The following USH2A variants were observed in gnomAD, a reference collection of about 807,000 sequenced individuals.
USH2A encodes usherin, also known as Usher syndrome 2A (autosomal recessive, mild).
USH2A carries 443 observed loss-of-function variants against 538.9 expected under a neutral mutation model. The ratio of observed to expected loss-of-function variants is 0.82; its 90% CI spans 0.76 to 0.89. The LOEUF (loss-of-function observed/expected upper bound fraction) is 0.89. Ranked by LOEUF, USH2A falls within the 40% of genes least tolerant of loss-of-function variation. USH2A has a pLI of 0.00. For missense variants in USH2A, 6,633 were observed against 6,324.8 expected (o/e 1.05, Z -1.65); for synonymous variants, 2,413 against 2,273.5 (o/e 1.06, Z -1.75).
chr1:216,383,943 C>A (rs1009446160), intron 3 of USH2A, among the ~76,000 whole-genome samples: 3 of 150,596 alleles, frequency 2.0e-5, no homozygotes, highest in Non-Finnish European at 4.4e-5. Context: ...TCAAGTGATC[C>A]TCCTGCGTAG....
chr1:216,127,887 A>G (rs1190014585), intron 21 of USH2A, among the ~76,000 whole-genome samples: 1 of 152,172 alleles, frequency 6.6e-6, no homozygotes, highest in Non-Finnish European at 1.5e-5. Context: ...ATAACTGCCA[A>G]CCAGATTTGC....
chr1:216,364,967 C>A lies in USH2A; in HGVS notation c.770G>T (p.Gly257Val). Residue 257 changes from glycine to valine, a missense_variant, in exon 4 of 72, where the codon GGA (glycine) becomes GTA (valine). Coordinates refer to ENST00000307340, the MANE Select transcript of USH2A (RefSeq NM_206933.4). Reference protein sequence around the residue: ...TDFASGTVQIGQSLNGLEQFV... With the variant: ...TDFASGTVQIVQSLNGLEQFV... ...CAGAAACTTACCATTTAAACTCTGT[C>A]CTATTTGCACAGTACCAGATGCAAA... 6.2e-7 allele frequency: 1 copy of A among 1,613,446 alleles called. No individual in the cohort carries two copies. The highest frequency in any genetic ancestry group is 1.3e-5 in the African/African-American group (1 of 74,992).
chr1:216,420,812 T>G (rs1223033851), intron 2 of USH2A, among the ~76,000 whole-genome samples: 1 of 152,170 alleles, frequency 6.6e-6, no homozygotes, highest in Non-Finnish European at 1.5e-5. Flanking sequence ...GTGATTAATT[T>G]TGTGATTAAT....
chr1:215,853,006 C>T (rs908037463), intron 44 of USH2A, among the ~76,000 whole-genome samples: 2 of 152,218 alleles, frequency 1.3e-5, no homozygotes, highest in Admixed American at 6.5e-5. Context: ...CCTCTTCTTA[C>T]AGTAGCACTA....
rs746196862 is a variant in USH2A at position 216,232,058 on chromosome 1, C to T, written c.2888G>A (p.Cys963Tyr). 3 of 1,613,952 alleles carry T rather than the reference C, an allele frequency of 1.9e-6. No individual in the cohort carries two copies. The highest frequency in any genetic ancestry group is 2.7e-5 in the African/African-American group (2 of 74,932). The change falls in exon 14 of 72, where the codon TGT (cysteine) becomes TAT (tyrosine). Residue 963 changes from cysteine (C) to tyrosine (Y), a missense_variant. Cys to Tyr is a radical substitution (Grantham distance 194, BLOSUM62 -2). Coordinates refer to ENST00000307340, the MANE Select transcript of USH2A (RefSeq NM_206933.4). The part of the protein sequence containing the change: ...CHTTGAVNHI[C>Y]NSLTGQCVCQ... ...AACACACTGACCAGTCAGGCTATTA[C>T]AGATGTGATTAACTGCACCAGTTGT... is the stretch of plus-strand genomic sequence containing the variant.
intron 21 of USH2A, among the ~76,000 whole-genome samples, chr1:216,148,074 G>T (rs530849222): frequency 1.2e-4 from 18 of 151,284 alleles, no homozygotes; most frequent in South Asian, 2.1e-4. Flanking sequence ...GCCGAGCTTC[G>T]GGTAACTCTC....
chr1:215,920,495 AC>A (rs1666071317), intron 38 of USH2A, among the ~76,000 whole-genome samples: 1 of 152,042 alleles, frequency 6.6e-6, no homozygotes, highest in African/African-American at 2.4e-5. Context: ...TGTCCTTTAA[AC>A]AAAGAATTGA....
chr1:216,271,181 A>G (rs2036566895), intron 11 of USH2A, among the ~76,000 whole-genome samples: 1 of 152,016 alleles, frequency 6.6e-6, no homozygotes, highest in Non-Finnish European at 1.5e-5. Context: ...ACCAAATACC[A>G]TGAGGTGGTT....
intron 35 of USH2A, among the ~76,000 whole-genome samples, chr1:215,975,238 A>C (rs1269063536): frequency 6.6e-6 from 1 of 152,168 alleles, no homozygotes; most frequent in Non-Finnish European, 1.5e-5. Context: ...CCTTTGTCAA[A>C]TGGATGGTTT....
At chr1:215,823,950 T>C (rs947552457) in intron 47 of USH2A, among the ~76,000 whole-genome samples, 11 of 152,114 alleles carry the variant, frequency 7.2e-5, no homozygotes, top group African/African-American at 2.7e-4. Context: ...TGTACTATCT[T>C]GGTGATCATG....
chr1:216,392,814 A>T (rs2039134364), intron 3 of USH2A, among the ~76,000 whole-genome samples: 1 of 152,138 alleles, frequency 6.6e-6, no homozygotes, highest in South Asian at 2.1e-4. Flanking sequence ...CTTTTTTCTC[A>T]TTTATTTTCT....
In USH2A at chr1:215,671,045, A is replaced by G; in HGVS notation, c.14060T>C (p.Val4687Ala). The G allele has an allele frequency of 6.2e-7, 1 of 1,614,102 alleles. No individual in the cohort carries two copies. The highest frequency in any genetic ancestry group is 8.5e-7 in the Non-Finnish European group (1 of 1,180,016). ...TGTTGAGCTTCCGTTATAGATTAGG[A>G]CTGGATTGGATTTTCTAGGCTGAGT... ...IATQPRKSNP[V>A]LIYNGSSTSF... is the part of the protein sequence containing the mutation. The change falls in exon 64 of 72, where the codon GTC becomes GCC. Residue 4687 changes from valine to alanine, a missense_variant. Transcript: ENST00000307340.
At chr1:216,048,939 G>A (rs753875370) in intron 30 of USH2A, among the ~76,000 whole-genome samples, 2 of 152,258 alleles carry the variant, frequency 1.3e-5, no homozygotes, top group East Asian at 1.9e-4. Flanking sequence ...CATATAGTTC[G>A]TGAGGCAGAG....
intron 4 of USH2A, among the ~76,000 whole-genome samples, chr1:216,354,463 A>G (rs2038343720): frequency 6.6e-6 from 1 of 152,192 alleles, no homozygotes; most frequent in Non-Finnish European, 1.5e-5. Flanking sequence ...TACCTATAAT[A>G]TAAATGCTAA....
chr1:215,956,079 A>G (rs2102445924), intron 37 of USH2A, among the ~76,000 whole-genome samples: 1 of 152,296 alleles, frequency 6.6e-6, no homozygotes, highest in South Asian at 2.1e-4. Context: ...TCCCTCTAAC[A>G]TCAATTCACA....
intron 37 of USH2A, among the ~76,000 whole-genome samples, chr1:215,940,547 T>A (rs4468138): frequency 0.39 from 59,453 of 151,732 alleles, 12,019 homozygotes; most frequent in East Asian, 0.68. Context: ...ATTTGTTTAT[T>A]TTGTAATTAA....
chr1:216,202,247 G>A (rs977735329), intron 16 of USH2A, among the ~76,000 whole-genome samples: 5 of 152,180 alleles, frequency 3.3e-5, no homozygotes, highest in African/African-American at 1.2e-4. Flanking sequence ...ATTAAAAGAA[G>A]TACAGTACTT....
chr1:216,061,052 C>T (rs1394336071), intron 30 of USH2A, among the ~76,000 whole-genome samples: 1 of 152,162 alleles, frequency 6.6e-6, no homozygotes, highest in Non-Finnish European at 1.5e-5. Context: ...TTAAAGAACT[C>T]CTTGCTCTGA....
chr1:215,700,487 T>C (rs574515199), intron 61 of USH2A, among the ~76,000 whole-genome samples: 2 of 152,214 alleles, frequency 1.3e-5, no homozygotes, highest in South Asian at 2.1e-4. Flanking sequence ...ATTTCAGAAC[T>C]TGTTATTGGT....
Sources: allele counts gnomAD v4.1 joint callset (sites outside exome capture counted in the v4.1 genomes callset), GRCh38; gene constraint gnomAD v4.1.1; transcripts MANE v1.5; gene names NCBI Gene and HGNC (gene_info 2026-07-23, HGNC 2026-07-21).